Variants in CRACR2B observed in about 807,000 individuals in gnomAD.
CRACR2B encodes the protein calcium release activated channel regulator 2B.
In CRACR2B, 50 loss-of-function variants were observed where a neutral mutation model predicts 46.0. The ratio of observed to expected loss-of-function variants is 1.09; its 90% CI spans 0.87 to 1.38. CRACR2B has a LOEUF of 1.38. Among genes scored for constraint, CRACR2B ranks in the 40% most tolerant of loss-of-function variants. The pLI is 0.00. For synonymous variants in CRACR2B, 277 were observed against 239.6 expected (o/e 1.16, Z -1.44); for missense variants, 667 against 535.0 (o/e 1.25, Z -2.43).
intron 7 of CRACR2B, 85 bp from the exon 8 acceptor site, chr11:831,139 C>T (rs868797816): frequency 6.3e-7 from 1 of 1,597,662 alleles, no homozygotes; most frequent in Non-Finnish European, 8.5e-7. Flanking sequence ...CCCAGGCCCG[C>T]CCCGTGGGAA....
chr11:829,065 T>C (rs754437595), intron 2 of CRACR2B, 102 bp downstream of exon 2: 4 of 1,467,166 alleles, frequency 2.7e-6, no homozygotes, highest in Non-Finnish European at 2.8e-6. Flanking sequence ...CCTCTCGTCC[T>C]CCTCCCTCCA....
intron 3 of CRACR2B, 186 bp from the exon 4 acceptor site, chr11:829,800 C>A: frequency 8.2e-7 from 1 of 1,223,646 alleles, no homozygotes; most frequent in Non-Finnish European, 1.1e-6. Flanking sequence ...GCCCAGGGTA[C>A]ACACACCTCA....
intron 2 of CRACR2B, 183 bp downstream of exon 2, chr11:829,146 C>T: frequency 7.9e-7 from 1 of 1,272,492 alleles, no homozygotes; most frequent in Non-Finnish European, 1.1e-6. Flanking sequence ...TGGAGCTGAC[C>T]TTCCTGGCCC....
chr11:831,040 G>T lies in CRACR2B; in HGVS notation c.953+8G>T. On this transcript the variant is annotated splice_region_variant and intron_variant, in intron 7 of 8. Transcript: ENST00000525077. ...CCAGGAGCAAACCCAACGGTGCCGTGGGACGGGGCTGGGCGGGCCCCGGTG... is the reference window on the plus strand; with the variant it reads ...CCAGGAGCAAACCCAACGGTGCCGTTGGACGGGGCTGGGCGGGCCCCGGTG... The T allele has an allele frequency of 6.5e-7, 1 of 1,535,500 alleles. No homozygotes were observed. Among genetic ancestry groups the T allele is most frequent in the Non-Finnish European group, 8.7e-7 (1 of 1,146,392 alleles).
chr11:831,247 A>T lies in CRACR2B; in HGVS notation c.977A>T (p.Asn326Ile). Residue 326 changes from asparagine (N) to isoleucine (I), a missense_variant, in exon 8 of 9, where the codon AAC becomes ATC. Coordinates refer to ENST00000525077, the MANE Select transcript of CRACR2B (RefSeq NM_001286606.2). ...TQRDVVAVSR[N>I]MQKEKVSLLR... ...AGAGACGTGGTCGCCGTCTCCAGGA[A>T]CATGCAGAAAGAGAAAGTCAGCCTG... 1 of 1,610,882 alleles carries T rather than the reference A, an allele frequency of 6.2e-7. No individual in the cohort carries two copies. Among genetic ancestry groups the T allele is most frequent in the South Asian group, 1.1e-5 (1 of 91,042 alleles).
At position 831,649 on chromosome 11, in the gene CRACR2B, C is replaced by CTGCTGT; in HGVS notation, c.1146_1151dup (p.Cys382_Cys383dup). 1 of 1,549,080 alleles carries CTGCTGT rather than the reference C, an allele frequency of 6.5e-7. No individual in the cohort carries two copies. The highest frequency in any genetic ancestry group is 2.2e-5 in the Admixed American group (1 of 46,510). On this transcript the variant is annotated inframe_insertion, in exon 9 of 9. Coordinates refer to ENST00000525077, the MANE Select transcript of CRACR2B (RefSeq NM_001286606.2). ...GCCTGCCTGGGCCCACCTGCTGCTG[C>CTGCTGT]TGCTGTTGCTGGGCTCGGCCCCCCA...
rs557608054 is a variant in CRACR2B at position 830,110 on chromosome 11, G to A, written c.583G>A (p.Gly195Ser). 137 of 1,538,646 alleles carry A rather than the reference G, an allele frequency of 8.9e-5. 1 individual carries two copies. In the Admixed American group the frequency reaches 2.5e-3, roughly 28 times the overall value. ...CLEEAARERD[G>S]LEQALRRRES... ...GGAGGAGGCGGCCCGGGAGCGCGAC[G>A]GCCTGGAGCAGGCGCTGCGGAGGTG... Residue 195 changes from glycine to serine, a missense_variant, in exon 4 of 9, where the codon GGC becomes AGC. Transcript: ENST00000525077.
chr11:830,743 C>G lies in CRACR2B; in HGVS notation c.786+30C>G, dbSNP rs553083488. The stretch of plus-strand genomic sequence containing the variant: ...GCACCCGGCCCCTGCCCTGTCCCCA[C>G]GGTCACCCGTGCACTCTCCCCCTGT... On this transcript the variant is annotated intron_variant, in intron 6 of 8. Coordinates refer to ENST00000525077, the MANE Select transcript of CRACR2B (RefSeq NM_001286606.2). The G allele has an allele frequency of 4.7e-5, 71 of 1,508,316 alleles. 1 individual carries two copies. In the East Asian group the frequency reaches 7.1e-4, roughly 15 times the overall value. 93.4% of individuals were successfully genotyped at this position (1,508,316 alleles called of 1,614,324 possible). A position where few individuals can be genotyped will look rare whatever the true frequency, so the allele number is the denominator to read the frequency against.
chr11:827,205 T>C (rs1387362701), upstream of CRACR2B: 1 of 151,756 alleles, frequency 6.6e-6, no homozygotes, highest in Admixed American at 6.5e-5. Context: ...CAGGGGTCGC[T>C]CGGGGCCCAG....
chr11:826,162 G>A (rs1434977991), upstream of CRACR2B: 1 of 152,288 alleles, frequency 6.6e-6, no homozygotes, highest in Admixed American at 6.5e-5. Flanking sequence ...CCAGCCTTTT[G>A]TGGTTCAGCT....
chr11:828,819 A>G (rs1159818574), intron 1 of CRACR2B, 33 bp from the exon 2 acceptor site: 2 of 1,611,748 alleles, frequency 1.2e-6, no homozygotes, highest in South Asian at 1.1e-5. Context: ...GGTTGACCGC[A>G]GCGGCTCATC....
upstream of CRACR2B, chr11:827,475 TC>T (rs1408473851): frequency 3.9e-5 from 35 of 909,032 alleles, no homozygotes; most frequent in Non-Finnish European, 4.6e-5. Context: ...GGCGGGGTTG[TC>T]CCCCAGAGTT....
intron 7 of CRACR2B, 30 bp downstream of exon 7, chr11:831,062 G>A: frequency 2.6e-6 from 4 of 1,536,660 alleles, no homozygotes; most frequent in Non-Finnish European, 3.5e-6. Context: ...GGCGGGCCCC[G>A]GTGCGTGTCC....
upstream of CRACR2B, chr11:827,554 T>G: frequency 1.0e-6 from 1 of 984,942 alleles, no homozygotes; most frequent in Non-Finnish European, 1.2e-6. Context: ...GGGGCCCTGC[T>G]GCCGCGCGGC....
At chr11:829,292 A>T (rs1194243768) in intron 2 of CRACR2B, 68 bp from the exon 3 acceptor site, 2 of 1,528,612 alleles carry the variant, frequency 1.3e-6, no homozygotes, top group Non-Finnish European at 1.8e-6. Context: ...ACTCGTTGGG[A>T]GGGTGAACGG....
intron 2 of CRACR2B, 157 bp from the exon 3 acceptor site, chr11:829,183 GGTAGGGCTGGGAGCTGGCCT>G: frequency 7.3e-7 from 1 of 1,361,612 alleles, no homozygotes; most frequent in Non-Finnish European, 9.9e-7. Flanking sequence ...GCTAAGCTCC[GGTAGGGCTGGGAGCTGGCCT>G]GTCACCTCTT....
At chr11:830,405 T>C in intron 5 of CRACR2B, 68 bp downstream of exon 5, 2 of 1,535,980 alleles carry the variant, frequency 1.3e-6, no homozygotes, top group Non-Finnish European at 1.7e-6. Context: ...GGCTCCGCCT[T>C]CTCTGAATTA....
At chr11:831,116 C>T (rs760422964) in intron 7 of CRACR2B, 84 bp downstream of exon 7, 54 of 1,570,692 alleles carry the variant, frequency 3.4e-5, no homozygotes, top group Middle Eastern at 1.7e-4. Flanking sequence ...CCACTTTCAT[C>T]CCCATCTCAA....
rs1022990454 is a variant in CRACR2B, at chr11:830,123, C to A, written c.596C>A (p.Ala199Glu). ...AARERDGLEQALRRRESEHER... is the reference protein window; with the variant it reads ...AARERDGLEQELRRRESEHER... ...CGGGAGCGCGACGGCCTGGAGCAGGCGCTGCGGAGGTGAGGGCCGGGGTGG... is the reference window on the plus strand; with the variant it reads ...CGGGAGCGCGACGGCCTGGAGCAGGAGCTGCGGAGGTGAGGGCCGGGGTGG... The change falls in exon 4 of 9, where the codon GCG becomes GAG. Residue 199 changes from alanine (A) to glutamate (E), a missense_variant. Physicochemically the swap from Ala to Glu is moderately radical, Grantham distance 107. Transcript: ENST00000525077. 1.3e-6 allele frequency: 2 copies of A among 1,534,640 alleles called. No individual in the cohort carries two copies. Among genetic ancestry groups the A allele is most frequent in the African/African-American group, 1.4e-5 (1 of 73,146 alleles).
Sources: gnomAD v4.1 joint callset for allele counts on GRCh38, gnomAD v4.1.1 for gene constraint, MANE v1.5 for transcripts, NCBI Gene and HGNC (gene_info 2026-07-23, HGNC 2026-07-21) for gene names.